Variants in ADAMTSL1 observed in about 807,000 individuals in gnomAD.
The protein encoded by ADAMTSL1 is ADAMTS-like protein 1.
In ADAMTSL1, 126 loss-of-function variants were observed where a neutral mutation model predicts 201.8. The ratio of observed to expected loss-of-function variants is 0.62; its 90% CI spans 0.54 to 0.72. The LOEUF is 0.72. ADAMTSL1 is among the 30% of genes least tolerant of loss of function. The probability of loss-of-function intolerance (pLI) is 0.00; values close to 1 mark genes in which losing one functional copy is unlikely to be tolerated. For synonymous variants in ADAMTSL1, 1,121 were observed against 903.4 expected, an observed-to-expected ratio of 1.24 and a Z score of -4.32; for missense variants, 2,679 against 2,277.8, an observed-to-expected ratio of 1.18 and a Z score of -3.59.
chr9:17,979,289 G>A (rs923138283), intron 1 of ADAMTSL1, among the ~76,000 whole-genome samples: 2 of 151,682 alleles, frequency 1.3e-5, no homozygotes, highest in Non-Finnish European at 2.9e-5. Context: ...CTTCTTCTTG[G>A]ATTACTTTAA....
At chr9:18,764,114 T>TC (rs1171877334) in intron 16 of ADAMTSL1, among the ~76,000 whole-genome samples, 1 of 152,210 alleles carries the variant, frequency 6.6e-6, no homozygotes, top group East Asian at 1.9e-4. Flanking sequence ...TATTGATCCT[T>TC]CCAATCCATG....
chr9:18,759,186 A>T (rs190687774), intron 16 of ADAMTSL1, among the ~76,000 whole-genome samples: 1 of 152,328 alleles, frequency 6.6e-6, no homozygotes, highest in Non-Finnish European at 1.5e-5. Context: ...TGCCTTGCTT[A>T]AAACTGTGAC....
At chr9:18,442,773 G>C (rs1198329764) in intron 2 of ADAMTSL1, among the ~76,000 whole-genome samples, 2 of 152,182 alleles carry the variant, frequency 1.3e-5, no homozygotes, top group Non-Finnish European at 2.9e-5. Flanking sequence ...AGCTGGCTTT[G>C]CTGTCATGCA....
Position 18,509,220 on chromosome 9 carries a change from A to G in ADAMTSL1, c.191+4264A>G, listed in dbSNP as rs1268843475. ...AAAAAAAAAAAAAAAAAAAAAAAAAAAAAAAAAAAAAAGAAATAGATATGT... is the reference window on the plus strand; with the variant it reads ...AAAAAAAAAAAAAAAAAAAAAAAAAGAAAAAAAAAAAAGAAATAGATATGT... On this transcript the variant is annotated intron_variant, in intron 2 of 28. Transcript: ENST00000380548. Among the ~76,000 whole-genome samples the G allele has an allele frequency of 3.2e-5, 3 of 93,540 alleles. 1 individual carries two copies. Among genetic ancestry groups the G allele is most frequent in the Non-Finnish European group, 6.9e-5 (3 of 43,786 alleles). The allele number at this position is 93,540 out of a possible 152,430, so 61.4% of individuals were successfully genotyped here. A position where few individuals can be genotyped will look rare whatever the true frequency, so the allele number is the denominator to read the frequency against.
intron 28 of ADAMTSL1, chr9:18,907,176 G>A (rs1394035162): frequency 2.5e-5 from 12 of 482,596 alleles, no homozygotes; most frequent in Non-Finnish European, 4.1e-5. Flanking sequence ...CAGTGCTGGA[G>A]GAAATCAGCC....
At chr9:18,143,331 T>A (rs577705963) in intron 1 of ADAMTSL1, among the ~76,000 whole-genome samples, 38 of 152,232 alleles carry the variant, frequency 2.5e-4, no homozygotes, top group African/African-American at 4.8e-4. Flanking sequence ...TGGTTCTAAT[T>A]GAAGGATTTT....
At chr9:18,116,578 G>C (rs1825259305) in intron 1 of ADAMTSL1, among the ~76,000 whole-genome samples, 2 of 152,096 alleles carry the variant, frequency 1.3e-5, no homozygotes, top group South Asian at 4.1e-4. Flanking sequence ...GCCAATAGTA[G>C]TTCTCCAATG....
intron 7 of ADAMTSL1, among the ~76,000 whole-genome samples, chr9:18,656,233 G>A (rs1783164837): frequency 6.6e-6 from 1 of 151,756 alleles, no homozygotes; most frequent in South Asian, 2.1e-4. Context: ...CATCCGAGAT[G>A]TTTAATCCAC....
At chr9:18,431,305 C>T (rs774705894) in intron 2 of ADAMTSL1, among the ~76,000 whole-genome samples, 6 of 152,160 alleles carry the variant, frequency 3.9e-5, no homozygotes, top group Non-Finnish European at 7.4e-5. Flanking sequence ...AAGAGTCTGG[C>T]ACTGTCAGAG....
intron 1 of ADAMTSL1, among the ~76,000 whole-genome samples, chr9:17,965,425 T>C (rs1817945682): frequency 6.6e-6 from 1 of 152,212 alleles, no homozygotes; most frequent in African/African-American, 2.4e-5. Flanking sequence ...ATTCATTAAA[T>C]ACTGAATTTC....
chr9:18,335,815 T>G (rs373650922), intron 2 of ADAMTSL1, among the ~76,000 whole-genome samples: 24 of 152,304 alleles, frequency 1.6e-4, no homozygotes, highest in African/African-American at 5.8e-4. Flanking sequence ...CCTTTAAACT[T>G]TCATAGAATA....
intron 2 of ADAMTSL1, among the ~76,000 whole-genome samples, chr9:18,309,278 A>G (rs1834026732): frequency 6.6e-6 from 1 of 152,180 alleles, no homozygotes; most frequent in African/African-American, 2.4e-5. Context: ...AACTGGCACA[A>G]GACAAGGATG....
At chr9:18,535,146 A>C (rs1157309361) in intron 3 of ADAMTSL1, among the ~76,000 whole-genome samples, 2 of 152,152 alleles carry the variant, frequency 1.3e-5, no homozygotes, top group Non-Finnish European at 2.9e-5. Context: ...CTTCCTCTTG[A>C]ATGCTTTGTC....
rs78760131 is a variant in ADAMTSL1 at position 18,481,849 on chromosome 9, G to A, written c.63+7554G>A. Reference sequence around the variant, plus strand: ...GGGAAAAACTATTTTCAAGATAAATGGTTATCTTTGTGAGAATTACCATTA... The same window carrying A: ...GGGAAAAACTATTTTCAAGATAAATAGTTATCTTTGTGAGAATTACCATTA... On this transcript the variant is annotated intron_variant, in intron 1 of 28. Transcript: ENST00000380548. 3.1e-4 allele frequency among the ~76,000 whole-genome samples: 47 copies of A among 152,236 alleles called. No homozygotes were observed. The East Asian group carries it at 7.7e-3, about 25-fold the overall frequency.
At chr9:18,657,512 TCC>T (rs1828768796) in intron 7 of ADAMTSL1, 125 bp from the exon 8 acceptor site, 5 of 644,400 alleles carry the variant, frequency 7.8e-6, no homozygotes, top group Non-Finnish European at 1.1e-5. Context: ...TTGCCACTTC[TCC>T]CGCAGTGCAG....
At chr9:17,930,921 G>A (rs1211092799) in intron 1 of ADAMTSL1, among the ~76,000 whole-genome samples, 6 of 152,164 alleles carry the variant, frequency 3.9e-5, no homozygotes, top group Non-Finnish European at 8.8e-5. Context: ...GGAAGCCCAG[G>A]TGGGGTTCTG....
At chr9:18,220,837 T>G (rs779646634) in intron 2 of ADAMTSL1, among the ~76,000 whole-genome samples, 1 of 151,934 alleles carries the variant, frequency 6.6e-6, no homozygotes, top group Non-Finnish European at 1.5e-5. Flanking sequence ...TGCAGTGGCA[T>G]GATCTAGGCT....
intron 2 of ADAMTSL1, among the ~76,000 whole-genome samples, chr9:18,315,536 G>C (rs1429532216): frequency 1.3e-5 from 2 of 152,142 alleles, no homozygotes; most frequent in Non-Finnish European, 2.9e-5. Context: ...GGCATGGGTG[G>C]GCCGGCAGTG....
chr9:18,894,266 CT>C (rs1829471908), intron 26 of ADAMTSL1, among the ~76,000 whole-genome samples: 1 of 151,360 alleles, frequency 6.6e-6, no homozygotes. Flanking sequence ...AGAAGGATCA[CT>C]TAAGAGGTTG....
Sources: allele counts gnomAD v4.1 joint callset (sites outside exome capture counted in the v4.1 genomes callset), GRCh38; gene constraint gnomAD v4.1.1; transcripts MANE v1.5; gene names NCBI Gene and HGNC (gene_info 2026-07-23, HGNC 2026-07-21).